The following ADGRB3 variants were observed in gnomAD, a reference collection of about 807,000 sequenced individuals.
ADGRB3 encodes the protein adhesion G protein-coupled receptor B3, also known as brain-specific angiogenesis inhibitor 3.
ADGRB3 carries 37 observed loss-of-function variants against 193.4 expected under a neutral mutation model. That is an observed-to-expected ratio of 0.19 (90% CI 0.15 to 0.25). The LOEUF is 0.25. Ranked by LOEUF, ADGRB3 falls within the 10% of genes least tolerant of loss-of-function variation. The pLI is 1.00. For missense variants in ADGRB3, 1,637 were observed against 1,852.9 expected (o/e 0.88, Z 2.14); for synonymous variants, 690 against 644.2 (o/e 1.07, Z -1.08).
intron 28 of ADGRB3, among the ~76,000 whole-genome samples, chr6:69,356,678 A>C (rs1321834563): frequency 6.6e-6 from 1 of 152,108 alleles, no homozygotes; most frequent in Non-Finnish European, 1.5e-5. Context: ...TATTTTATCA[A>C]GTACGGAATA....
chr6:69,215,700 A>C (rs1000236724), intron 17 of ADGRB3, among the ~76,000 whole-genome samples: 10 of 152,250 alleles, frequency 6.6e-5, no homozygotes, highest in African/African-American at 2.4e-4. Flanking sequence ...TTAAAAAAAA[A>C]ATCATCCAAA....
chr6:69,101,645 A>G (rs554082042), intron 17 of ADGRB3, among the ~76,000 whole-genome samples: 14 of 151,834 alleles, frequency 9.2e-5, no homozygotes, highest in Non-Finnish European at 2.1e-4. Context: ...ACCATATTAT[A>G]CAGAAACATT....
chr6:68,832,876 G>A (rs572741425), intron 3 of ADGRB3, among the ~76,000 whole-genome samples: 2 of 152,280 alleles, frequency 1.3e-5, no homozygotes, highest in Non-Finnish European at 2.9e-5. Context: ...AAGCATGCTT[G>A]TTCTAAAGGA....
At chr6:68,659,902 A>T (rs759599486) in intron 3 of ADGRB3, among the ~76,000 whole-genome samples, 2 of 151,046 alleles carry the variant, frequency 1.3e-5, no homozygotes, top group Non-Finnish European at 3.0e-5. Context: ...ACTACTATTA[A>T]TTCTTGCTTT....
chr6:68,658,006 A>C (rs1768532216), intron 3 of ADGRB3, among the ~76,000 whole-genome samples: 1 of 151,382 alleles, frequency 6.6e-6, no homozygotes, highest in Admixed American at 6.6e-5. Context: ...CAAACAACAG[A>C]CTACTAAGCC....
rs1354938017 is a variant in ADGRB3 at position 68,635,344 on chromosome 6, C to G, written c.-844C>G. The G allele has an allele frequency of 6.6e-6, 1 of 152,116 alleles. No homozygotes were observed. Among genetic ancestry groups the G allele is most frequent in the South Asian group, 2.1e-4 (1 of 4,820 alleles). 9.4% of individuals were successfully genotyped at this position (152,116 alleles called of 1,614,324 possible). On this transcript the variant is annotated 5_prime_UTR_variant, in exon 1 of 32. Transcript: ENST00000370598. ...CTATCTCGCTCCCTCTCGCGCCTCC[C>G]TCCTCGCTGGGCATTCAAACAGCTT...
chr6:69,128,166 T>C (rs1014222318), intron 17 of ADGRB3, among the ~76,000 whole-genome samples: 1 of 152,114 alleles, frequency 6.6e-6, no homozygotes, highest in Non-Finnish European at 1.5e-5. Context: ...TCTATACCTA[T>C]TATCAGTATT....
intron 4 of ADGRB3, 94 bp downstream of exon 4, chr6:68,930,763 T>G (rs1179938046): frequency 1.0e-6 from 1 of 992,824 alleles, no homozygotes. Flanking sequence ...TTGTCAGTTT[T>G]TGGAGCTGAT....
chr6:69,376,997 C>G (rs1453407398), intron 30 of ADGRB3, among the ~76,000 whole-genome samples: 2 of 152,006 alleles, frequency 1.3e-5, no homozygotes, highest in African/African-American at 4.8e-5. Flanking sequence ...TTTATTCAAA[C>G]AGAAACATAT....
intron 13 of ADGRB3, among the ~76,000 whole-genome samples, chr6:69,043,294 A>AAGAAAGAAAGAG (rs780996725): frequency 1.4e-4 from 2 of 14,424 alleles, no homozygotes; most frequent in African/African-American, 3.8e-4. Flanking sequence ...GAAAGAGAGA[A>AAGAAAGAAAGAG]AGAAAGAAAG....
intron 17 of ADGRB3, among the ~76,000 whole-genome samples, chr6:69,196,473 CTT>C (rs909917570): frequency 9.9e-5 from 15 of 152,230 alleles, no homozygotes; most frequent in African/African-American, 3.6e-4. Flanking sequence ...AGAGTCCTCT[CTT>C]TTGCTATCAG....
chr6:69,267,826 T>G (rs1767081001), intron 20 of ADGRB3, among the ~76,000 whole-genome samples: 1 of 151,792 alleles, frequency 6.6e-6, no homozygotes. Context: ...TGATATTGAG[T>G]TTTTTCCCGA....
intron 17 of ADGRB3, among the ~76,000 whole-genome samples, chr6:69,079,934 C>T (rs1404234649): frequency 6.6e-6 from 1 of 152,062 alleles, no homozygotes; most frequent in African/African-American, 2.4e-5. Context: ...AAGGACTAGA[C>T]TTCCCTATTT....
Position 69,024,889 on chromosome 6 carries a change from G to A in ADGRB3, c.2107+6390G>A, listed in dbSNP as rs1368786817. On this transcript the variant is annotated intron_variant, in intron 13 of 31. Transcript: ENST00000370598. ...AGGCGGATCATGAGGTCAGGAGATC[G>A]AGACCATCCTGGCTAACATGGCGAA... Among the ~76,000 whole-genome samples the A allele has an allele frequency of 3.3e-5, 5 of 152,062 alleles. No individual in the cohort carries two copies. The East Asian group carries it at 9.7e-4, about 30-fold the overall frequency.
At chr6:69,388,428 C>G (rs977515258) in intron 31 of ADGRB3, among the ~76,000 whole-genome samples, 1 of 152,096 alleles carries the variant, frequency 6.6e-6, no homozygotes, top group Admixed American at 6.6e-5. Context: ...CAACATGCCC[C>G]AAACAAAACA....
At chr6:68,881,550 G>T (rs1479100241) in intron 3 of ADGRB3, among the ~76,000 whole-genome samples, 2 of 152,138 alleles carry the variant, frequency 1.3e-5, no homozygotes, top group Non-Finnish European at 2.9e-5. Flanking sequence ...TTTGCATTTA[G>T]TAAGTGTGGA....
At chr6:69,342,650 A>G (rs1191585356) in intron 26 of ADGRB3, among the ~76,000 whole-genome samples, 1 of 152,130 alleles carries the variant, frequency 6.6e-6, no homozygotes, top group Non-Finnish European at 1.5e-5. Flanking sequence ...GTATCTTCCC[A>G]TATCCTCTGT....
At chr6:68,706,979 C>T (rs1291212536) in intron 3 of ADGRB3, among the ~76,000 whole-genome samples, 2 of 151,806 alleles carry the variant, frequency 1.3e-5, no homozygotes. Context: ...GGCATGGTGG[C>T]GGGTACCTGT....
At chr6:69,313,856 C>T (rs1468669925) in intron 20 of ADGRB3, among the ~76,000 whole-genome samples, 3 of 151,660 alleles carry the variant, frequency 2.0e-5, no homozygotes, top group African/African-American at 4.8e-5. Flanking sequence ...TTAACATAGG[C>T]ATTACCTCAC....
Sources: allele counts gnomAD v4.1 joint callset (sites outside exome capture counted in the v4.1 genomes callset), GRCh38; gene constraint gnomAD v4.1.1; transcripts MANE v1.5; gene names NCBI Gene and HGNC (gene_info 2026-07-23, HGNC 2026-07-21).